The following CWC22 variants were observed in gnomAD, a reference collection of about 807,000 sequenced individuals.
CWC22 encodes CWC22 spliceosome associated protein.
In CWC22, 53 loss-of-function variants were observed where a neutral mutation model predicts 117.2. That is an observed-to-expected ratio of 0.45 (90% CI 0.36 to 0.57). CWC22 has a LOEUF of 0.57. Among genes scored for constraint, CWC22 ranks in the 20% least tolerant of loss-of-function variants. The probability of loss-of-function intolerance (pLI) is 0.00; values close to 1 mark genes in which losing one functional copy is unlikely to be tolerated. For synonymous variants in CWC22, 360 were observed against 355.6 expected, an observed-to-expected ratio of 1.01 and a Z score of -0.14; for missense variants, 980 against 1,068.8, an observed-to-expected ratio of 0.92 and a Z score of 1.16.
At chr2:179,985,587 C>G (rs775595832) in intron 4 of CWC22, among the ~76,000 whole-genome samples, 1 of 152,076 alleles carries the variant, frequency 6.6e-6, no homozygotes, top group African/African-American at 2.4e-5. Context: ...CACCCCTTAT[C>G]TGTGGTTTCA....
At chr2:179,976,578 C>A (rs1466983471) in intron 6 of CWC22, among the ~76,000 whole-genome samples, 1 of 147,604 alleles carries the variant, frequency 6.8e-6, no homozygotes, top group Non-Finnish European at 1.5e-5. Context: ...AACAAATAAC[C>A]CAATCTAAAA....
In CWC22 at chr2:179,945,061, C is replaced by T. The variant is rs1001017750; in HGVS notation, c.*68G>A. The T allele has an allele frequency of 8.5e-6, 9 of 1,057,906 alleles. No individual in the cohort carries two copies. Among genetic ancestry groups the T allele is most frequent in the East Asian group, 4.9e-5 (2 of 40,508 alleles). The allele number at this position is 1,057,906 out of a possible 1,614,324, so 65.5% of individuals were successfully genotyped here. ...TTATACAAGAATTCTCTATAAAGTT[C>T]GTCAAAGTAAAAAATAATTTGTTTC... On this transcript the variant is annotated 3_prime_UTR_variant, in exon 20 of 20. Transcript: ENST00000410053.
At chr2:179,961,129 G>A (rs924198402) in intron 13 of CWC22, among the ~76,000 whole-genome samples, 9 of 151,752 alleles carry the variant, frequency 5.9e-5, no homozygotes, top group African/African-American at 2.2e-4. Flanking sequence ...AAAATAACTT[G>A]CAAGAAAAAA....
chr2:179,956,810 TTATAA>T (rs113148493), intron 14 of CWC22, among the ~76,000 whole-genome samples: 312 of 152,022 alleles, frequency 2.1e-3, no homozygotes, highest in African/African-American at 6.9e-3. Context: ...ACATTACATT[TTATAA>T]TATAACAGTT....
chr2:179,974,138 TAA>T (rs1233129295), intron 6 of CWC22, among the ~76,000 whole-genome samples: 1 of 152,186 alleles, frequency 6.6e-6, no homozygotes, highest in African/African-American at 2.4e-5. Flanking sequence ...TAACATTTTT[TAA>T]AAAGTAAACA....
In CWC22 at chr2:179,986,077, A is replaced by G. The variant is rs191560163; in HGVS notation, c.206+618T>C. Among the ~76,000 whole-genome samples, 496 of 152,198 alleles carry G rather than the reference A, an allele frequency of 3.3e-3. 1 individual carries two copies. The highest frequency in any genetic ancestry group is 0.011 in the African/African-American group (463 of 41,560). On this transcript the variant is annotated intron_variant, in intron 4 of 19. Transcript: ENST00000410053. Reference sequence around the variant, plus strand: ...TAAATATTACCCCTAGGAGTCTCCAAACACTCTCATTCCAATGTTTCTTAC... The same window carrying G: ...TAAATATTACCCCTAGGAGTCTCCAGACACTCTCATTCCAATGTTTCTTAC...
chr2:179,996,155 A>ATAAAAATAATATCCAGGAGATAAT (rs1304302717), intron 1 of CWC22, among the ~76,000 whole-genome samples: 1 of 152,260 alleles, frequency 6.6e-6, no homozygotes, highest in African/African-American at 2.4e-5. Context: ...TCTCTATAAC[A>ATAAAAATAATATCCAGGAGATAAT]TAAAAATAAT....
At chr2:179,986,012 T>C (rs991480108) in intron 4 of CWC22, among the ~76,000 whole-genome samples, 4 of 152,068 alleles carry the variant, frequency 2.6e-5, no homozygotes, top group Non-Finnish European at 5.9e-5. Flanking sequence ...CTGCCTAGAT[T>C]TCAATGAAAC....
At chr2:179,965,762 G>T in intron 12 of CWC22, 116 bp downstream of exon 12, 2 of 842,246 alleles carry the variant, frequency 2.4e-6, no homozygotes, top group Non-Finnish European at 3.5e-6. Context: ...CCTCCTAGAC[G>T]CCATCAGCAG....
In CWC22 at chr2:179,966,028, T is replaced by A. The variant is rs1265338220; in HGVS notation, c.1211-46A>T. ...TTAGGAAAAAAATGTGCAAGTCATA[T>A]ACATGTATTTCATTCTAAGAAGATA... On this transcript the variant is annotated intron_variant, in intron 11 of 19. Coordinates refer to ENST00000410053, the MANE Select transcript of CWC22 (RefSeq NM_020943.3). 3.6e-6 allele frequency: 5 copies of A among 1,391,240 alleles called. No homozygotes were observed. In the African/African-American group the frequency reaches 7.2e-5, roughly 20 times the overall value. The allele number at this position is 1,391,240 out of a possible 1,614,324, so 86.2% of individuals were successfully genotyped here.
rs1205979297 is a variant in CWC22 at position 179,993,393 on chromosome 2, A to G, written c.-52T>C. The G allele has an allele frequency of 1.5e-6, 2 of 1,333,864 alleles. No homozygotes were observed. The highest frequency in any genetic ancestry group is 2.5e-5 in the East Asian group (1 of 40,618). The allele number at this position is 1,333,864 out of a possible 1,614,324, so 82.6% of individuals were successfully genotyped here. ...TCAAAGATGCTTCAAACTGGTCCAAATAACAAGTACCCAATGCTCTGAATT... is the reference window on the plus strand; with the variant it reads ...TCAAAGATGCTTCAAACTGGTCCAAGTAACAAGTACCCAATGCTCTGAATT... On this transcript the variant is annotated 5_prime_UTR_variant, in exon 2 of 20. Transcript: ENST00000410053.
rs955970190 is a variant in CWC22, at chr2:179,997,322, TA to T, written c.-113-3869del. 1.7e-3 allele frequency among the ~76,000 whole-genome samples: 243 copies of T among 142,352 alleles called. 1 individual carries two copies. The highest frequency in any genetic ancestry group is 7.1e-3 in the Middle Eastern group (2 of 280). 93.4% of individuals were successfully genotyped at this position (142,352 alleles called of 152,430 possible). On this transcript the variant is annotated intron_variant, in intron 1 of 19. Coordinates refer to ENST00000410053, the MANE Select transcript of CWC22 (RefSeq NM_020943.3). ...ATATACTGTTCCTTAGAGTAATGAC[TA>T]AAAAAAAAAAGTACAAAATGTAGCT...
chr2:179,974,305 C>G (rs974877799), intron 6 of CWC22, among the ~76,000 whole-genome samples: 1 of 152,096 alleles, frequency 6.6e-6, no homozygotes, highest in Non-Finnish European at 1.5e-5. Context: ...ATGTGGAATA[C>G]TCCTGTGAGA....
At chr2:179,959,944 T>C (rs1575641653) in intron 13 of CWC22, among the ~76,000 whole-genome samples, 1 of 152,054 alleles carries the variant, frequency 6.6e-6, no homozygotes, top group East Asian at 1.9e-4. Context: ...ATGCATTGAA[T>C]TGTATTACTT....
At chr2:180,001,335 T>C (rs548841217) in intron 1 of CWC22, among the ~76,000 whole-genome samples, 1 of 152,034 alleles carries the variant, frequency 6.6e-6, no homozygotes, top group African/African-American at 2.4e-5. Context: ...TTTTTCTTTT[T>C]TTTTTTTCTT....
chr2:180,003,603 T>C (rs1687897887), intron 1 of CWC22, among the ~76,000 whole-genome samples: 1 of 152,190 alleles, frequency 6.6e-6, no homozygotes, highest in African/African-American at 2.4e-5. Flanking sequence ...ATGCAAGCAC[T>C]GCATTCTACT....
At chr2:180,001,163 A>G (rs1169967267) in intron 1 of CWC22, among the ~76,000 whole-genome samples, 1 of 152,164 alleles carries the variant, frequency 6.6e-6, no homozygotes, top group African/African-American at 2.4e-5. Context: ...TTGGTTTTAA[A>G]GAAAAATTCT....
intron 2 of CWC22, among the ~76,000 whole-genome samples, chr2:179,992,955 G>A (rs1336270953): frequency 6.6e-6 from 1 of 152,122 alleles, no homozygotes; most frequent in Non-Finnish European, 1.5e-5. Context: ...TTTTACATGT[G>A]ATCATTCACA....
At chr2:179,969,582 A>T (rs1163286927) in intron 11 of CWC22, among the ~76,000 whole-genome samples, 1 of 152,206 alleles carries the variant, frequency 6.6e-6, no homozygotes, top group Non-Finnish European at 1.5e-5. Flanking sequence ...ACAAAAACTA[A>T]AATTACATTT....
Sources: allele counts gnomAD v4.1 joint callset (sites outside exome capture counted in the v4.1 genomes callset), GRCh38; gene constraint gnomAD v4.1.1; transcripts MANE v1.5; gene names NCBI Gene and HGNC (gene_info 2026-07-23, HGNC 2026-07-21).